The following FANCB variants were observed in gnomAD, a reference collection of about 807,000 sequenced individuals.
FANCB encodes Fanconi anemia group B protein.
Under a neutral mutation model 38.9 loss-of-function variants are expected in FANCB, and 5 were observed. The observed-to-expected ratio is 0.13, with a 90% CI of 0.07 to 0.27. The LOEUF is 0.27. Ranked by LOEUF, FANCB falls within the 10% of genes least tolerant of loss-of-function variation. FANCB has a pLI of 1.00. For synonymous variants in FANCB, 236 were observed against 215.4 expected, an observed-to-expected ratio of 1.10 and a Z score of -0.84; for missense variants, 573 against 602.7, an observed-to-expected ratio of 0.95 and a Z score of 0.52.
the FANCB span, among the ~76,000 whole-genome samples, chrX:14,819,737 T>C: frequency 8.0e-5 from 9 of 112,296 alleles, no homozygotes; most frequent in Admixed American, 8.5e-4. Context: ...TCTGCCTGAA[T>C]AGGCAATCTA....
the FANCB span, among the ~76,000 whole-genome samples, chrX:14,704,383 T>C: frequency 1.8e-5 from 2 of 112,223 alleles, no homozygotes; most frequent in African/African-American, 6.5e-5. Context: ...AAAATCCAGA[T>C]CCTGCACAAT....
the FANCB span, among the ~76,000 whole-genome samples, chrX:14,822,866 T>C: frequency 9.0e-6 from 1 of 111,198 alleles, no homozygotes; most frequent in Non-Finnish European, 1.9e-5. Flanking sequence ...TTGCTCTTTT[T>C]ACCTGAAAAG....
At chrX:14,737,018 G>C in the FANCB span, among the ~76,000 whole-genome samples, 1 of 110,080 alleles carries the variant, frequency 9.1e-6, no homozygotes, top group Non-Finnish European at 1.9e-5. Context: ...TTAGCTGGGC[G>C]TGGTGGCACA....
chrX:14,822,040 C>T, the FANCB span, among the ~76,000 whole-genome samples: 2 of 111,518 alleles, frequency 1.8e-5, no homozygotes, highest in African/African-American at 6.5e-5. Flanking sequence ...CACATATTCA[C>T]AGGTTTGCCC....
chrX:14,810,024 G>A, the FANCB span, among the ~76,000 whole-genome samples: 1 of 111,993 alleles, frequency 8.9e-6, no homozygotes, highest in Non-Finnish European at 1.9e-5. Flanking sequence ...TCGTGGTTCT[G>A]CAGCCACCGC....
At chrX:14,769,667 C>G in the FANCB span, among the ~76,000 whole-genome samples, 1 of 111,555 alleles carries the variant, frequency 9.0e-6, no homozygotes, top group South Asian at 3.7e-4. Context: ...CAGTTCAGCT[C>G]TAATCTTGGT....
chrX:14,845,056 T>C lies in FANCB; in HGVS notation c.1727A>G (p.Gln576Arg), dbSNP rs1184732989. 8.3e-6 allele frequency: 10 copies of C among 1,207,946 alleles called. No homozygotes were observed. The Admixed American group carries it at 8.7e-5, about 11-fold the overall frequency. The change falls in exon 8 of 10, where the codon CAG (glutamine) becomes CGG (arginine). Residue 576 changes from glutamine to arginine, a missense_variant. Coordinates refer to ENST00000650831, the MANE Select transcript of FANCB (RefSeq NM_001018113.3). ...AAGAGATGTTACAGCAGTAATTATCTGTACACACTCTTTCTTAGATGGGTG... is the reference window on the plus strand; with the variant it reads ...AAGAGATGTTACAGCAGTAATTATCCGTACACACTCTTTCTTAGATGGGTG... ...CEHPSKKECV[Q>R]IITAVTSLSP... is the part of the protein sequence containing the mutation.
chrX:14,707,033 T>C, the FANCB span, among the ~76,000 whole-genome samples: 1 of 96,922 alleles, frequency 1.0e-5, no homozygotes. Context: ...AAAATAAAAC[T>C]TACAAAAATA....
At chrX:14,730,505 G>C in the FANCB span, 1 of 1,125,212 alleles carries the variant, frequency 8.9e-7, no homozygotes, top group Non-Finnish European at 1.2e-6. Context: ...ACAGACCCTG[G>C]GACCTTCTTG....
At chrX:14,778,866 A>G in the FANCB span, among the ~76,000 whole-genome samples, 40 of 112,491 alleles carry the variant, frequency 3.6e-4, no homozygotes, top group African/African-American at 1.3e-3. Flanking sequence ...ATAGAAATTG[A>G]GATTTCTTTT....
At chrX:14,768,058 G>A in the FANCB span, among the ~76,000 whole-genome samples, 7 of 111,737 alleles carry the variant, frequency 6.3e-5, no homozygotes, top group Admixed American at 6.7e-4. Context: ...TCTTATACCA[G>A]TACCATGCTG....
At chrX:14,725,558 T>A in the FANCB span, among the ~76,000 whole-genome samples, 1 of 111,965 alleles carries the variant, frequency 8.9e-6, no homozygotes, top group Non-Finnish European at 1.9e-5. Flanking sequence ...GGAGTCCTTT[T>A]ACTTCCTCCT....
At chrX:14,709,455 T>A in the FANCB span, among the ~76,000 whole-genome samples, 1 of 111,971 alleles carries the variant, frequency 8.9e-6, no homozygotes, top group Non-Finnish European at 1.9e-5. Context: ...AAATATTAAA[T>A]CTGGTAACCG....
the FANCB span, among the ~76,000 whole-genome samples, chrX:14,801,038 C>CGAAGCA: frequency 4.0e-4 from 44 of 109,455 alleles, no homozygotes; most frequent in East Asian, 5.8e-4. Context: ...TAGAAATTAC[C>CGAAGCA]GAAGCAGAAG....
chrX:14,794,182 G>A, the FANCB span, among the ~76,000 whole-genome samples: 5 of 111,492 alleles, frequency 4.5e-5, no homozygotes, highest in Non-Finnish European at 9.4e-5. Context: ...CAGTAGATGT[G>A]GAGAGGAGGA....
chrX:14,840,046 G>A (rs975724731), downstream of FANCB, among the ~76,000 whole-genome samples: 1 of 111,446 alleles, frequency 9.0e-6, no homozygotes, highest in African/African-American at 3.3e-5. Context: ...GTACAGACAA[G>A]GTTTCACCAT....
the FANCB span, among the ~76,000 whole-genome samples, chrX:14,761,231 C>T: frequency 9.0e-6 from 1 of 110,832 alleles, no homozygotes; most frequent in South Asian, 3.8e-4. Flanking sequence ...TCAAATTCCT[C>T]GGCTCAAGCA....
the FANCB span, among the ~76,000 whole-genome samples, chrX:14,813,067 CAT>C: frequency 5.2e-4 from 54 of 103,417 alleles, no homozygotes; most frequent in African/African-American, 1.9e-3. Context: ...ACAAAAACCA[CAT>C]GATTATCTCA....
the FANCB span, among the ~76,000 whole-genome samples, chrX:14,703,961 T>G: frequency 8.9e-6 from 1 of 111,818 alleles, no homozygotes; most frequent in Admixed American, 9.5e-5. Context: ...ATGCAATCCC[T>G]CATCTCAGGG....
Sources: gnomAD v4.1 joint callset for allele counts (sites outside exome capture counted in the v4.1 genomes callset) on GRCh38, gnomAD v4.1.1 for gene constraint, MANE v1.5 for transcripts, NCBI Gene and HGNC (gene_info 2026-07-23, HGNC 2026-07-21) for gene names.